The following ADCY1 variants were observed in gnomAD, a reference collection of about 807,000 sequenced individuals.
ADCY1 encodes the protein adenylate cyclase 1, also known as adenylate cyclase type 1.
In ADCY1, 28 loss-of-function variants were observed where a neutral mutation model predicts 105.4. The ratio of observed to expected loss-of-function variants is 0.27; its 90% CI spans 0.20 to 0.36. ADCY1 has a LOEUF of 0.36. Among genes scored for constraint, ADCY1 ranks in the 10% least tolerant of loss-of-function variants. The pLI, the probability that ADCY1 is intolerant of heterozygous loss-of-function variation, is 1.00. For synonymous variants in ADCY1, 655 were observed against 623.8 expected (o/e 1.05, Z -0.75); for missense variants, 977 against 1,434.2 (o/e 0.68, Z 5.15).
chr7:45,632,171 A>T (rs1300164025), intron 4 of ADCY1, among the ~76,000 whole-genome samples: 1 of 152,228 alleles, frequency 6.6e-6, no homozygotes, highest in Admixed American at 6.5e-5. Context: ...CTGTTCCATT[A>T]ACCTATGTGT....
intron 14 of ADCY1, among the ~76,000 whole-genome samples, chr7:45,701,113 G>C (rs1784987086): frequency 1.3e-5 from 2 of 152,226 alleles, no homozygotes; most frequent in Non-Finnish European, 1.5e-5. Context: ...TTGTTGACAG[G>C]AATAATGTGT....
intron 5 of ADCY1, among the ~76,000 whole-genome samples, chr7:45,655,003 A>G (rs1464926409): frequency 6.6e-6 from 1 of 152,110 alleles, no homozygotes; most frequent in Non-Finnish European, 1.5e-5. Flanking sequence ...TGTTGTTGTT[A>G]TTTCTAGAAA....
At chr7:45,644,544 T>A (rs1434662728) in intron 4 of ADCY1, among the ~76,000 whole-genome samples, 1 of 152,232 alleles carries the variant, frequency 6.6e-6, no homozygotes, top group African/African-American at 2.4e-5. Flanking sequence ...TCTGTTATAC[T>A]GAGAAGCTTC....
chr7:45,574,575 G>C lies in ADCY1; in HGVS notation c.32G>C (p.Gly11Ala), dbSNP rs1333722373. 7.1e-6 allele frequency: 7 copies of C among 990,750 alleles called. No individual in the cohort carries two copies. Among genetic ancestry groups the C allele is most frequent in the Admixed American group, 6.2e-5 (1 of 16,044 alleles). 61.4% of individuals were successfully genotyped at this position (990,750 alleles called of 1,614,324 possible). Residue 11 changes from glycine (G) to alanine (A), a missense_variant, in exon 1 of 20, where the codon GGC becomes GCC. Coordinates refer to ENST00000297323, the MANE Select transcript of ADCY1 (RefSeq NM_021116.4). This position sits in a 1 kb window ranked among gnomAD's most constrained non-coding sequence, Gnocchi z 7.0. MAGAPRGGGG[G>A]GGGAGEPGGA... ...GGGGCGCCGCGCGGCGGAGGCGGCG[G>C]CGGAGGCGGCGCGGGCGAGCCCGGG...
chr7:45,595,584 C>T (rs1254861539), intron 2 of ADCY1, among the ~76,000 whole-genome samples: 1 of 152,198 alleles, frequency 6.6e-6, no homozygotes, highest in African/African-American at 2.4e-5. Flanking sequence ...TCCTGGCAGT[C>T]GGGTGAACTT....
intron 4 of ADCY1, among the ~76,000 whole-genome samples, chr7:45,629,667 C>T (rs7809180): frequency 0.14 from 21,696 of 152,130 alleles, 1,617 homozygotes; most frequent in South Asian, 0.21. Flanking sequence ...TACAGGCGCC[C>T]GCCACTGCGC....
chr7:45,610,559 G>A (rs1465096547), intron 3 of ADCY1, 62 bp downstream of exon 3: 5 of 1,428,478 alleles, frequency 3.5e-6, no homozygotes, highest in Admixed American at 1.7e-5. Context: ...GGAGATAATG[G>A]TGAAGGTGGG....
In ADCY1 at chr7:45,620,514, A is replaced by G. The variant is rs369286655; in HGVS notation, c.909-2118A>G. On this transcript the variant is annotated intron_variant, in intron 3 of 19. Coordinates refer to ENST00000297323, the MANE Select transcript of ADCY1 (RefSeq NM_021116.4). Reference sequence around the variant, plus strand: ...AGAAAGAAAAAGGGGCAGAAAGAATATCTGAAGAAATAATGGCCATAAATG... The same window carrying G: ...AGAAAGAAAAAGGGGCAGAAAGAATGTCTGAAGAAATAATGGCCATAAATG... Among the ~76,000 whole-genome samples the G allele has an allele frequency of 2.4e-3, 369 of 152,344 alleles. 1 individual carries two copies. Among genetic ancestry groups the G allele is most frequent in the African/African-American group, 8.5e-3 (352 of 41,572 alleles).
intron 6 of ADCY1, among the ~76,000 whole-genome samples, 194 bp from the exon 7 acceptor site, chr7:45,659,848 G>C (rs1050248393): frequency 6.6e-6 from 1 of 152,132 alleles, no homozygotes; most frequent in Non-Finnish European, 1.5e-5. Context: ...CATGGTTCCT[G>C]ATGGCCCTAC....
chr7:45,704,916 GCAGCCCAGTCCCTCCCCCAC>G (rs1176013809), intron 17 of ADCY1, among the ~76,000 whole-genome samples: 2 of 149,066 alleles, frequency 1.3e-5, no homozygotes, highest in African/African-American at 5.0e-5. Context: ...CACCTCCTCA[GCAGCCCAGTCCCTCCCCCAC>G]CAGCCCCCAC....
intron 8 of ADCY1, among the ~76,000 whole-genome samples, chr7:45,675,667 G>GACA (rs1382401434): frequency 6.6e-6 from 1 of 152,116 alleles, no homozygotes; most frequent in Non-Finnish European, 1.5e-5. Flanking sequence ...AGCACTTGAT[G>GACA]AATGTTTTCC....
intron 3 of ADCY1, among the ~76,000 whole-genome samples, chr7:45,619,560 C>T (rs543574984): frequency 1.2e-4 from 18 of 152,062 alleles, no homozygotes; most frequent in Admixed American, 5.2e-4. Context: ...CACACATATA[C>T]GTAACAGAAA....
chr7:45,612,741 G>A (rs1274327343), intron 3 of ADCY1, among the ~76,000 whole-genome samples: 2 of 152,150 alleles, frequency 1.3e-5, no homozygotes, highest in African/African-American at 4.8e-5. Flanking sequence ...CTTTTATGGG[G>A]CTGCCTGAAG....
intron 11 of ADCY1, among the ~76,000 whole-genome samples, chr7:45,680,017 G>A (rs1453697758): frequency 6.6e-6 from 1 of 152,200 alleles, no homozygotes; most frequent in Non-Finnish European, 1.5e-5. Flanking sequence ...GGTGGGATGG[G>A]GTGGGATAGG....
chr7:45,677,831 A>G (rs1327221131), intron 8 of ADCY1, 38 bp from the exon 9 acceptor site: 1 of 1,589,964 alleles, frequency 6.3e-7, no homozygotes, highest in African/African-American at 1.4e-5. Context: ...ATAAGTGGAG[A>G]ATTTGATGAT....
chr7:45,705,348 T>C (rs1456144454), intron 17 of ADCY1, among the ~76,000 whole-genome samples: 1 of 152,228 alleles, frequency 6.6e-6, no homozygotes, highest in Non-Finnish European at 1.5e-5. Context: ...TTGAATTCAA[T>C]AATGAATGGA....
chr7:45,632,254 G>A (rs1274880298), intron 4 of ADCY1, among the ~76,000 whole-genome samples: 3 of 152,140 alleles, frequency 2.0e-5, no homozygotes, highest in African/African-American at 7.2e-5. Context: ...CAGGTCCTGT[G>A]CTTTATCCAA....
Position 45,610,468 on chromosome 7 carries a change from G to A in ADCY1, c.879G>A (p.Lys293=). Reference sequence around the variant, plus strand: ...AGCCCCCTGAGAGGATTTTCCACAAGATTTACATCCAGAGGCACGACAATG... The same window carrying A: ...AGCCCCCTGAGAGGATTTTCCACAAAATTTACATCCAGAGGCACGACAATG... The part of the protein sequence containing the change: ...FLKPPERIFH[K]IYIQRHDNVS... The change falls in exon 3 of 20, where the codon AAG becomes AAA. Residue 293 remains lysine, a synonymous_variant. Transcript: ENST00000297323. The A allele has an allele frequency of 6.2e-7, 1 of 1,613,996 alleles. No homozygotes were observed. Among genetic ancestry groups the A allele is most frequent in the Non-Finnish European group, 8.5e-7 (1 of 1,179,966 alleles).
At chr7:45,644,298 A>G (rs1234653582) in intron 4 of ADCY1, among the ~76,000 whole-genome samples, 2 of 151,872 alleles carry the variant, frequency 1.3e-5, no homozygotes, top group African/African-American at 4.8e-5. Flanking sequence ...TGAGCCACTG[A>G]CTCTCTGCTT....
Sources: gnomAD v4.1 joint callset for allele counts (sites outside exome capture counted in the v4.1 genomes callset) on GRCh38, gnomAD v4.1.1 for gene constraint, Gnocchi (gnomAD v3.1) non-coding constraint, MANE v1.5 for transcripts, NCBI Gene and HGNC (gene_info 2026-07-23, HGNC 2026-07-21) for gene names.